The following KCNIP1 variants were observed in gnomAD, a reference collection of about 807,000 sequenced individuals.
The protein encoded by KCNIP1 is A-type potassium channel modulatory protein KCNIP1.
In KCNIP1, 18 loss-of-function variants were observed where a neutral mutation model predicts 33.0. That is an observed-to-expected ratio of 0.55 (90% CI 0.38 to 0.81). KCNIP1 has a LOEUF of 0.81. KCNIP1 is among the 30% of genes least tolerant of loss of function. KCNIP1 has a pLI of 0.00. For synonymous variants in KCNIP1, 93 were observed against 98.3 expected, an observed-to-expected ratio of 0.95 and a Z score of 0.32; for missense variants, 238 against 271.6, an observed-to-expected ratio of 0.88 and a Z score of 0.87.
At chr5:170,492,755 C>CTATT (rs75367874) in intron 1 of KCNIP1, among the ~76,000 whole-genome samples, 49,644 of 150,362 alleles carry the variant, frequency 0.33, 8,357 homozygotes, top group Admixed American at 0.4. Context: ...AAATATCTAT[C>CTATT]TATTTATTTA....
intron 1 of KCNIP1, among the ~76,000 whole-genome samples, chr5:170,578,183 G>A (rs928544913): frequency 6.6e-6 from 1 of 152,206 alleles, no homozygotes. Context: ...AGAGTGAGAA[G>A]GGGGGAAAGA....
At chr5:170,506,820 G>A (rs144173323) in intron 1 of KCNIP1, among the ~76,000 whole-genome samples, 18 of 152,312 alleles carry the variant, frequency 1.2e-4, no homozygotes, top group East Asian at 1.2e-3. Flanking sequence ...GCCCACTGGC[G>A]TGAGTTGTCC....
chr5:170,483,170 C>T (rs1236712424), intron 1 of KCNIP1: 7 of 421,572 alleles, frequency 1.7e-5, no homozygotes, highest in African/African-American at 1.3e-4. Context: ...CTCGCCCTGC[C>T]TCTCATCCAG....
chr5:170,413,408 A>G (rs1429093760), intron 1 of KCNIP1, among the ~76,000 whole-genome samples: 1 of 152,228 alleles, frequency 6.6e-6, no homozygotes, highest in Non-Finnish European at 1.5e-5. Context: ...GTCACAGTGC[A>G]AATGCTGCAG....
intron 1 of KCNIP1, among the ~76,000 whole-genome samples, chr5:170,400,248 T>C (rs915474376): frequency 1.3e-4 from 20 of 152,022 alleles, no homozygotes; most frequent in African/African-American, 4.8e-4. Flanking sequence ...GCACCAGAGG[T>C]TTAATTGACT....
intron 1 of KCNIP1, among the ~76,000 whole-genome samples, chr5:170,405,229 C>G (rs1755004479): frequency 6.6e-6 from 1 of 151,238 alleles, no homozygotes; most frequent in Non-Finnish European, 1.5e-5. Flanking sequence ...AAGTCTTGCT[C>G]TGTTGCCCAG....
intron 1 of KCNIP1, among the ~76,000 whole-genome samples, chr5:170,444,015 C>T (rs922198644): frequency 1.3e-5 from 2 of 152,212 alleles, no homozygotes; most frequent in South Asian, 2.1e-4. Flanking sequence ...TAATGTAGAA[C>T]ATTTTGTATT....
intron 1 of KCNIP1, among the ~76,000 whole-genome samples, chr5:170,606,688 G>A (rs1039048992): frequency 1.3e-5 from 2 of 152,116 alleles, no homozygotes; most frequent in Admixed American, 6.6e-5. Flanking sequence ...GACCTCATCC[G>A]ATCCTCATAG....
At chr5:170,617,670 C>T (rs1443065613) in intron 1 of KCNIP1, among the ~76,000 whole-genome samples, 1 of 152,194 alleles carries the variant, frequency 6.6e-6, no homozygotes, top group Non-Finnish European at 1.5e-5. Flanking sequence ...TCTCACTGCT[C>T]ATTAGCATAT....
At chr5:170,432,514 G>A (rs1164123410) in intron 1 of KCNIP1, among the ~76,000 whole-genome samples, 1 of 152,210 alleles carries the variant, frequency 6.6e-6, no homozygotes, top group Non-Finnish European at 1.5e-5. Context: ...TTCATGGCTT[G>A]GAGGTGGGGG....
chr5:170,463,257 G>T (rs1460262365), intron 1 of KCNIP1, among the ~76,000 whole-genome samples: 2 of 152,086 alleles, frequency 1.3e-5, no homozygotes, highest in South Asian at 2.1e-4. Context: ...TTAAATTAAA[G>T]AATTAATGTC....
chr5:170,568,648 T>TAAAAAAAAAAAAAAAA (rs33992187), intron 1 of KCNIP1, among the ~76,000 whole-genome samples: 3 of 43,730 alleles, frequency 6.9e-5, no homozygotes, highest in Non-Finnish European at 9.2e-5. Context: ...CCGTTTCTAC[T>TAAAAAAAAAAAAAAAA]AAAAAAAAAA....
At chr5:170,720,725 G>A (rs1763791597) in intron 3 of KCNIP1, among the ~76,000 whole-genome samples, 1 of 152,228 alleles carries the variant, frequency 6.6e-6, no homozygotes, top group African/African-American at 2.4e-5. Context: ...CAGCTGGTGA[G>A]TAGCAAACCA....
intron 1 of KCNIP1, among the ~76,000 whole-genome samples, chr5:170,543,986 CTTAAGCGTGCATAAAACGT>C (rs1756312726): frequency 6.6e-6 from 1 of 152,168 alleles, no homozygotes; most frequent in South Asian, 2.1e-4. Flanking sequence ...GGAGGTAAAA[CTTAAGCGTGCATAAAACGT>C]TTAAGTGACC....
intron 1 of KCNIP1, among the ~76,000 whole-genome samples, chr5:170,458,957 T>A (rs1756448846): frequency 2.0e-5 from 3 of 152,140 alleles, no homozygotes; most frequent in Admixed American, 6.5e-5. Flanking sequence ...TCTGCTGCCT[T>A]CAAGAGACTC....
chr5:170,385,816 G>T (rs1159742230), intron 1 of KCNIP1, among the ~76,000 whole-genome samples: 1 of 151,998 alleles, frequency 6.6e-6, no homozygotes, highest in Non-Finnish European at 1.5e-5. Flanking sequence ...TTGCAGAAAT[G>T]ATTAAGATAA....
At position 170,390,517 on chromosome 5, in the gene KCNIP1, A is replaced by AAAAAAAAAAAAAAATAT; in HGVS notation, c.88+36554_88+36555insAAAAAAAAAAAAATATA. ...GACCCCGTCTCAAAAAAAAAAAACAAATATATATATATATATATATATTTT... is the reference window on the plus strand; with the variant it reads ...GACCCCGTCTCAAAAAAAAAAAACAAAAAAAAAAAAAAAATATATATATATATATATATATATATTTT... On this transcript the variant is annotated intron_variant, in intron 1 of 7. Coordinates refer to the KCNIP1 transcript ENST00000377360. Among the ~76,000 whole-genome samples, 23 of 74,540 alleles carry AAAAAAAAAAAAAAATAT rather than the reference A, an allele frequency of 3.1e-4. 1 individual carries two copies. The highest frequency in any genetic ancestry group is 8.3e-4 in the African/African-American group (13 of 15,620). 48.9% of individuals were successfully genotyped at this position (74,540 alleles called of 152,430 possible). A position where few individuals can be genotyped will look rare whatever the true frequency, so the allele number is the denominator to read the frequency against.
At chr5:170,728,166 A>G (rs1322253325) in intron 5 of KCNIP1, among the ~76,000 whole-genome samples, 1 of 152,230 alleles carries the variant, frequency 6.6e-6, no homozygotes, top group Non-Finnish European at 1.5e-5. Context: ...CTTCTTCAGC[A>G]TAATAGAAAA....
chr5:170,610,533 C>T (rs1196265629), intron 1 of KCNIP1, among the ~76,000 whole-genome samples: 1 of 152,184 alleles, frequency 6.6e-6, no homozygotes, highest in Non-Finnish European at 1.5e-5. Flanking sequence ...CCCAGCATTG[C>T]TGTTAGAAGC....
Sources: gnomAD v4.1 joint callset for allele counts (sites outside exome capture counted in the v4.1 genomes callset) on GRCh38, gnomAD v4.1.1 for gene constraint, MANE v1.5 for transcripts, NCBI Gene and HGNC (gene_info 2026-07-23, HGNC 2026-07-21) for gene names.